SMCHD1: variants seen among roughly 807,000 people sequenced by gnomAD.
SMCHD1 encodes the protein structural maintenance of chromosomes flexible hinge domain containing 1, also known as structural maintenance of chromosomes flexible hinge domain-containing protein 1.
Under a neutral mutation model 254.7 loss-of-function variants are expected in SMCHD1, and 78 were observed. The observed-to-expected ratio is 0.31, with a 90% confidence interval of 0.26 to 0.37. SMCHD1 has a LOEUF of 0.37. Ranked by LOEUF, SMCHD1 falls within the 10% of genes least tolerant of loss-of-function variation. The probability of loss-of-function intolerance (pLI) is 1.00; values close to 1 mark genes in which losing one functional copy is unlikely to be tolerated. For missense variants in SMCHD1, 1,840 were observed against 2,408.1 expected (o/e 0.76, Z 4.94); for synonymous variants, 766 against 794.9 (o/e 0.96, Z 0.61).
intron 25 of SMCHD1, among the ~76,000 whole-genome samples, chr18:2,736,570 T>TA (rs1292831286): frequency 1.2e-4 from 18 of 151,722 alleles, no homozygotes; most frequent in Non-Finnish European, 5.9e-5. Flanking sequence ...CAACCCCATT[T>TA]AAAAAATGGG....
chr18:2,793,436 G>A (rs547249363), intron 45 of SMCHD1, among the ~76,000 whole-genome samples: 1 of 152,046 alleles, frequency 6.6e-6, no homozygotes. Context: ...GGCTGAGGCG[G>A]GTGGATCACG....
chr18:2,712,391 A>G (rs1598353164), intron 17 of SMCHD1, among the ~76,000 whole-genome samples: 1 of 152,236 alleles, frequency 6.6e-6, no homozygotes, highest in South Asian at 2.1e-4. Flanking sequence ...TAACCAATCT[A>G]TCACCAAGTA....
chr18:2,708,884 ATATATATATATATATATATAT>A (rs1373744815), intron 17 of SMCHD1, among the ~76,000 whole-genome samples: 2 of 68,974 alleles, frequency 2.9e-5, no homozygotes, highest in Admixed American at 1.5e-4. Context: ...ATATATATAT[ATATATATATATATATATATAT>A]ATAACATATT....
At chr18:2,705,613 C>T in intron 13 of SMCHD1, 81 bp from the exon 14 acceptor site, 1 of 552,540 alleles carries the variant, frequency 1.8e-6, no homozygotes, top group Non-Finnish European at 2.9e-6. Context: ...TAAAGAAGTT[C>T]TGTAAAATTA....
chr18:2,794,446 C>T (rs1568404830), intron 45 of SMCHD1, among the ~76,000 whole-genome samples: 1 of 152,142 alleles, frequency 6.6e-6, no homozygotes, highest in Non-Finnish European at 1.5e-5. Context: ...GTTGAGGCTG[C>T]AGTGAGCAGT....
chr18:2,692,422 A>T (rs1190918373), intron 7 of SMCHD1, among the ~76,000 whole-genome samples: 1 of 152,094 alleles, frequency 6.6e-6, no homozygotes, highest in Non-Finnish European at 1.5e-5. Context: ...AACCTTTCTT[A>T]TTCTCTCCTT....
intron 44 of SMCHD1, among the ~76,000 whole-genome samples, chr18:2,779,748 G>T (rs2076123751): frequency 6.6e-6 from 1 of 152,106 alleles, no homozygotes; most frequent in Non-Finnish European, 1.5e-5. Flanking sequence ...AGAGTTCAAG[G>T]CTATAGGCTG....
chr18:2,752,972 A>G (rs1003984178), intron 34 of SMCHD1: 1 of 175,626 alleles, frequency 5.7e-6, no homozygotes, highest in Non-Finnish European at 1.2e-5. Flanking sequence ...CTTTATCATC[A>G]ATAGGGTCAA....
intron 37 of SMCHD1, among the ~76,000 whole-genome samples, chr18:2,766,159 A>G (rs1319107758): frequency 6.6e-6 from 1 of 151,928 alleles, no homozygotes; most frequent in African/African-American, 2.4e-5. Flanking sequence ...ACATCTAGCT[A>G]ATTTTTTGTA....
intron 24 of SMCHD1, among the ~76,000 whole-genome samples, chr18:2,731,065 T>C (rs527686258): frequency 6.6e-6 from 1 of 152,286 alleles, no homozygotes. Context: ...AATCCTCTAA[T>C]AGGCAGTTAC....
chr18:2,757,721 T>C (rs1568322617), intron 34 of SMCHD1, among the ~76,000 whole-genome samples: 1 of 152,074 alleles, frequency 6.6e-6, no homozygotes, highest in East Asian at 1.9e-4. Flanking sequence ...GCATTTGAGG[T>C]ACAGTGTTCT....
At position 2,804,938 on chromosome 18, in the gene SMCHD1, T is replaced by A. The variant is rs111751986; in HGVS notation, c.*2386T>A. 3.9e-5 allele frequency: 6 copies of A among 152,236 alleles called. No individual in the cohort carries two copies. The highest frequency in any genetic ancestry group is 1.4e-4 in the African/African-American group (6 of 41,472). 9.4% of individuals were successfully genotyped at this position (152,236 alleles called of 1,614,324 possible). The stretch of plus-strand genomic sequence containing the variant: ...ATCAGGAAGTTTTTTTTCTGGTTTC[T>A]TCTTCCAAAGGAAAATAATAGCCTA... On this transcript the variant is annotated 3_prime_UTR_variant, in exon 48 of 48. Coordinates refer to ENST00000320876, the MANE Select transcript of SMCHD1 (RefSeq NM_015295.3).
rs372694951 is a variant in SMCHD1, at chr18:2,685,094, A to ATTTTTTTTTTTTTTTTTTT, written c.639-3293_639-3292insTTTTTTTTTTTTTTTTTTT. ...AGCACACTGTTCTGTTCTGTCCCTTATTTTTTTCTTTTTTTTTTTTTTTTG... is the reference window on the plus strand; with the variant it reads ...AGCACACTGTTCTGTTCTGTCCCTTATTTTTTTTTTTTTTTTTTTTTTTTTTCTTTTTTTTTTTTTTTTG... On this transcript the variant is annotated intron_variant, in intron 5 of 47. Coordinates refer to ENST00000320876, the MANE Select transcript of SMCHD1 (RefSeq NM_015295.3). Among the ~76,000 whole-genome samples the ATTTTTTTTTTTTTTTTTTT allele has an allele frequency of 6.1e-5, 5 of 81,880 alleles. 2 individuals are homozygous for ATTTTTTTTTTTTTTTTTTT. The highest frequency in any genetic ancestry group is 6.4e-5 in the Non-Finnish European group (3 of 46,752). The allele number at this position is 81,880 out of a possible 152,430, so 53.7% of individuals were successfully genotyped here.
At chr18:2,670,785 C>T (rs568192885) in intron 3 of SMCHD1, among the ~76,000 whole-genome samples, 216 of 151,652 alleles carry the variant, frequency 1.4e-3, no homozygotes, top group African/African-American at 4.8e-3. Flanking sequence ...CCTGTAATTC[C>T]AACTACTCGA....
chr18:2,664,907 A>G (rs902324117), intron 1 of SMCHD1, among the ~76,000 whole-genome samples: 2 of 152,152 alleles, frequency 1.3e-5, no homozygotes, highest in East Asian at 3.8e-4. Flanking sequence ...CTTTCCCTTT[A>G]ATTTGTCAGT....
rs149721993 is a variant in SMCHD1, at chr18:2,683,680, T to G, written c.639-4714T>G. 1.2e-3 allele frequency among the ~76,000 whole-genome samples: 190 copies of G among 152,332 alleles called. 1 individual carries two copies. Among genetic ancestry groups the G allele is most frequent in the African/African-American group, 4.3e-3 (180 of 41,586 alleles). ...TTCTTTATATCCTTGCTGGATTTTC[T>G]GTGTGGTAGTAACTAGGGGGTATTG... is the stretch of plus-strand genomic sequence containing the variant. On this transcript the variant is annotated intron_variant, in intron 5 of 47. Coordinates refer to ENST00000320876, the MANE Select transcript of SMCHD1 (RefSeq NM_015295.3).
intron 25 of SMCHD1, among the ~76,000 whole-genome samples, chr18:2,733,824 C>T (rs2075193245): frequency 1.3e-5 from 2 of 152,238 alleles, no homozygotes; most frequent in South Asian, 4.1e-4. Context: ...AGATAAAATT[C>T]CCAAGTGTGG....
chr18:2,656,125 A>C lies in SMCHD1; in HGVS notation c.50A>C (p.Glu17Ala). 6.7e-7 allele frequency: 1 copy of C among 1,484,350 alleles called. No individual in the cohort carries two copies. The allele number at this position is 1,484,350 out of a possible 1,614,324, so 91.9% of individuals were successfully genotyped here. A position where few individuals can be genotyped will look rare whatever the true frequency, so the allele number is the denominator to read the frequency against. ...GGPGGASVGTEEDGGGVGHRT... is the reference protein window; with the variant it reads ...GGPGGASVGTAEDGGGVGHRT... ...CCTGGTGGGGCCTCTGTGGGGACTGAGGAGGATGGCGGAGGCGTCGGCCAC... is the reference window on the plus strand; with the variant it reads ...CCTGGTGGGGCCTCTGTGGGGACTGCGGAGGATGGCGGAGGCGTCGGCCAC... The change falls in exon 1 of 48, where the codon GAG becomes GCG. Residue 17 changes from glutamate (E) to alanine (A), a missense_variant. Transcript: ENST00000320876.
At chr18:2,742,689 C>T (rs1457501334) in intron 28 of SMCHD1, among the ~76,000 whole-genome samples, 2 of 151,950 alleles carry the variant, frequency 1.3e-5, no homozygotes, top group African/African-American at 2.4e-5. Context: ...TTTAATTTTT[C>T]GAAACAGGAT....
Sources: allele counts gnomAD v4.1 joint callset (sites outside exome capture counted in the v4.1 genomes callset), GRCh38; gene constraint gnomAD v4.1.1; transcripts MANE v1.5; gene names NCBI Gene and HGNC (gene_info 2026-07-23, HGNC 2026-07-21).